Variants in P3H2 observed in about 807,000 individuals in gnomAD.
P3H2 encodes the protein leprecan-like 1.
In P3H2, 80 loss-of-function variants were observed where a neutral mutation model predicts 87.0. That is an observed-to-expected ratio of 0.92 (90% confidence interval 0.77 to 1.11). P3H2 has a LOEUF of 1.11. P3H2 is among the 50% of genes least tolerant of loss of function. P3H2 has a pLI of 0.00. For missense variants in P3H2, 1,001 were observed against 923.9 expected, an observed-to-expected ratio of 1.08 and a Z score of -1.08; for synonymous variants, 367 against 359.3, an observed-to-expected ratio of 1.02 and a Z score of -0.24.
At chr3:189,988,812 C>G in intron 4 of P3H2, 95 bp downstream of exon 4, 1 of 1,450,826 alleles carries the variant, frequency 6.9e-7, no homozygotes, top group Non-Finnish European at 9.7e-7. Flanking sequence ...TCATAATAAA[C>G]TGAAGAAGTC....
chr3:190,120,262 G>A lies in P3H2; in HGVS notation c.470C>T (p.Ala157Val). The A allele has an allele frequency of 6.2e-7, 1 of 1,610,828 alleles. No individual in the cohort carries two copies. The highest frequency in any genetic ancestry group is 8.5e-7 in the Non-Finnish European group (1 of 1,179,244). The change falls in exon 1 of 15, where the codon GCC (alanine) becomes GTC (valine). Residue 157 changes from alanine (A) to valine (V), a missense_variant. Transcript: ENST00000319332. ...GCGCTCTGTGGGTACCTTGATGTAGGCCCGCTGCAGGTAGTTGTAGGGCAC... is the reference window on the plus strand; with the variant it reads ...GCGCTCTGTGGGTACCTTGATGTAGACCCGCTGCAGGTAGTTGTAGGGCAC... Reference protein sequence around the residue: ...RRVPYNYLQRAYIKLNQLEKA... With the variant: ...RRVPYNYLQRVYIKLNQLEKA...
At chr3:190,033,446 T>C (rs1725320416) in intron 1 of P3H2, among the ~76,000 whole-genome samples, 1 of 152,254 alleles carries the variant, frequency 6.6e-6, no homozygotes, top group Non-Finnish European at 1.5e-5. Context: ...ACCAACTGGG[T>C]ACTTTTCTCA....
chr3:189,973,151 T>C, intron 10 of P3H2, 127 bp from the exon 11 acceptor site: 1 of 801,374 alleles, frequency 1.2e-6, no homozygotes, highest in Non-Finnish European at 2.0e-6. Context: ...GGAAGGCTAC[T>C]ACATATTTGT....
chr3:190,112,673 G>A (rs762088571), intron 1 of P3H2, among the ~76,000 whole-genome samples: 1 of 149,886 alleles, frequency 6.7e-6, no homozygotes, highest in Non-Finnish European at 1.5e-5. Flanking sequence ...AGAGCAGAAA[G>A]GAGTGTGGTC....
At chr3:190,104,755 C>T (rs1711766585) in intron 1 of P3H2, among the ~76,000 whole-genome samples, 1 of 152,154 alleles carries the variant, frequency 6.6e-6, no homozygotes. Context: ...ACTATGTAAC[C>T]ACAACTAAAT....
Position 190,058,471 on chromosome 3 carries a change from C to G in P3H2, c.480+61781G>C, listed in dbSNP as rs929611218. Among the ~76,000 whole-genome samples, 5 of 152,012 alleles carry G rather than the reference C, an allele frequency of 3.3e-5. No homozygotes were observed. In the East Asian group the frequency reaches 9.6e-4, roughly 29 times the overall value. On this transcript the variant is annotated intron_variant, in intron 1 of 14. Transcript: ENST00000319332. ...AACTTGTGAAGTTTCAAATATGGGT[C>G]AAAGTTGTAAAATGGAATGGGGAGT...
At chr3:189,971,816 G>T in intron 12 of P3H2, 74 bp downstream of exon 12, 2 of 901,974 alleles carry the variant, frequency 2.2e-6, no homozygotes, top group South Asian at 1.3e-5. Flanking sequence ...AAGCAAAACA[G>T]AGCACCTTTC....
chr3:190,080,398 T>C (rs1002921173), intron 1 of P3H2, among the ~76,000 whole-genome samples: 1 of 152,044 alleles, frequency 6.6e-6, no homozygotes, highest in Admixed American at 6.6e-5. Context: ...TTTTTTCTTT[T>C]TCTTTTCCTT....
intron 1 of P3H2, among the ~76,000 whole-genome samples, chr3:190,085,973 TG>T (rs1727198879): frequency 6.6e-6 from 1 of 152,128 alleles, no homozygotes. Context: ...TTCCATTGGG[TG>T]CAGCAAAATT....
chr3:190,095,567 A>T (rs925144414), intron 1 of P3H2, among the ~76,000 whole-genome samples: 2 of 150,366 alleles, frequency 1.3e-5, no homozygotes, highest in Admixed American at 6.6e-5. Flanking sequence ...ATTTAGAGGG[A>T]AATTAAAAAA....
Position 189,975,437 on chromosome 3 carries a change from C to T in P3H2, c.1325-752G>A, listed in dbSNP as rs991586753. ...AAAGACTTTTTTTCATAGAGTAGGA[C>T]TGAAGGACAAAGCCTCTGATAGAGA... On this transcript the variant is annotated intron_variant, in intron 8 of 14. Coordinates refer to ENST00000319332, the MANE Select transcript of P3H2 (RefSeq NM_018192.4). Among the ~76,000 whole-genome samples the T allele has an allele frequency of 3.9e-5, 6 of 152,086 alleles. No individual in the cohort carries two copies. The South Asian group carries it at 1.0e-3, about 26-fold the overall frequency.
At chr3:190,001,292 A>G (rs1724209388) in intron 1 of P3H2, among the ~76,000 whole-genome samples, 1 of 152,222 alleles carries the variant, frequency 6.6e-6, no homozygotes, top group Non-Finnish European at 1.5e-5. Flanking sequence ...AAAACATGGA[A>G]ATACCACTAT....
At position 190,120,444 on chromosome 3, in the gene P3H2, G is replaced by C; in HGVS notation, c.288C>G (p.Pro96=). 4.2e-6 allele frequency: 6 copies of C among 1,430,398 alleles called. No individual in the cohort carries two copies. The highest frequency in any genetic ancestry group is 5.4e-6 in the Non-Finnish European group (6 of 1,102,932). 88.6% of individuals were successfully genotyped at this position (1,430,398 alleles called of 1,614,324 possible). ...RHCAARHPLP[P]PPPGEGPGAE... ...CGCCGGGGCCCTCGCCGGGGGGCGG[G>C]GGCGGGAGCGGGTGGCGCGCCGCGC... The change falls in exon 1 of 15, where the codon CCC becomes CCG. Residue 96 remains proline (P), a synonymous_variant. Transcript: ENST00000319332.
chr3:190,121,312 C>G (rs1273021891), upstream of P3H2, among the ~76,000 whole-genome samples: 1 of 150,944 alleles, frequency 6.6e-6, no homozygotes, highest in Non-Finnish European at 1.5e-5. Flanking sequence ...TCTGCGCATT[C>G]TGCACGTGTA....
intron 1 of P3H2, among the ~76,000 whole-genome samples, chr3:190,097,929 T>A (rs1344208586): frequency 6.6e-6 from 1 of 152,198 alleles, no homozygotes; most frequent in African/African-American, 2.4e-5. Flanking sequence ...ATGTCTAATT[T>A]ATGTAAGCGC....
At chr3:189,996,045 T>C (rs374179798) in intron 1 of P3H2, among the ~76,000 whole-genome samples, 7 of 152,296 alleles carry the variant, frequency 4.6e-5, no homozygotes, top group African/African-American at 1.7e-4. Flanking sequence ...TGAAAAACAG[T>C]ATGGAGTTTC....
intron 14 of P3H2, 124 bp downstream of exon 14, chr3:189,963,834 A>T: frequency 1.1e-6 from 1 of 907,036 alleles, no homozygotes; most frequent in African/African-American, 1.6e-5. Flanking sequence ...TTACTAGAAC[A>T]TATCTGATTA....
At position 190,103,594 on chromosome 3, in the gene P3H2, T is replaced by G. The variant is rs147472987; in HGVS notation, c.480+16658A>C. ...TTCTAGAGGAGCTCATCTACAGACA[T>G]ATAAACAAGTGAAAGGGCAGGCTGG... is the stretch of plus-strand genomic sequence containing the variant. On this transcript the variant is annotated intron_variant, in intron 1 of 14. Transcript: ENST00000319332. Among the ~76,000 whole-genome samples, 6 of 152,216 alleles carry G rather than the reference T, an allele frequency of 3.9e-5. No individual in the cohort carries two copies. The East Asian group carries it at 1.2e-3, about 29-fold the overall frequency.
intron 1 of P3H2, among the ~76,000 whole-genome samples, chr3:190,034,409 A>G (rs1352491328): frequency 2.0e-5 from 3 of 152,368 alleles, no homozygotes; most frequent in Non-Finnish European, 4.4e-5. Context: ...CACAATAAAC[A>G]CAATAATTCA....
Sources: allele counts gnomAD v4.1 joint callset (sites outside exome capture counted in the v4.1 genomes callset), GRCh38; gene constraint gnomAD v4.1.1; transcripts MANE v1.5; gene names NCBI Gene and HGNC (gene_info 2026-07-23, HGNC 2026-07-21).